NALCN: variants seen among roughly 807,000 people sequenced by gnomAD.
NALCN encodes sodium leak channel, non-selective.
In NALCN, 111 loss-of-function variants were observed where a neutral mutation model predicts 225.3. The observed-to-expected ratio is 0.49, with a 90% confidence interval of 0.42 to 0.58. The LOEUF (loss-of-function observed/expected upper bound fraction) is 0.58, where lower values mean the gene tolerates loss of function less well. Among genes scored for constraint, NALCN ranks in the 20% least tolerant of loss-of-function variants. NALCN has a pLI of 0.00. For missense variants in NALCN, 1,378 were observed against 2,202.4 expected (o/e 0.63, Z 7.49); for synonymous variants, 764 against 769.0 (o/e 0.99, Z 0.11).
intron 6 of NALCN, among the ~76,000 whole-genome samples, chr13:101,347,852 A>G (rs188594907): frequency 6.6e-6 from 1 of 152,340 alleles, no homozygotes; most frequent in African/African-American, 2.4e-5. Context: ...CAAGTACTGT[A>G]CTCAAATAAT....
At chr13:101,069,401 C>G (rs2032678220) in intron 37 of NALCN, among the ~76,000 whole-genome samples, 1 of 152,212 alleles carries the variant, frequency 6.6e-6, no homozygotes, top group South Asian at 2.1e-4. Context: ...AAGGTACAGA[C>G]CTTAATAAAA....
At chr13:101,321,814 T>C (rs2044755005) in intron 7 of NALCN, among the ~76,000 whole-genome samples, 1 of 152,106 alleles carries the variant, frequency 6.6e-6, no homozygotes, top group South Asian at 2.1e-4. Flanking sequence ...AAGTCAAAAA[T>C]GTCATACATT....
At chr13:101,155,878 TACA>T (rs1287758567) in intron 15 of NALCN, among the ~76,000 whole-genome samples, 1 of 152,226 alleles carries the variant, frequency 6.6e-6, no homozygotes, top group African/African-American at 2.4e-5. Context: ...CTGTGGCAAT[TACA>T]ACAATAGTTT....
chr13:101,287,814 G>T (rs1015146969), intron 9 of NALCN, among the ~76,000 whole-genome samples: 1 of 152,116 alleles, frequency 6.6e-6, no homozygotes, highest in African/African-American at 2.4e-5. Context: ...ATGCTTCTGG[G>T]ATTGTTCCAT....
At chr13:101,355,486 C>A (rs2046028927) in intron 6 of NALCN, among the ~76,000 whole-genome samples, 1 of 152,004 alleles carries the variant, frequency 6.6e-6, no homozygotes, top group African/African-American at 2.4e-5. Context: ...ATCAATTCAA[C>A]AAGAAGAGCT....
intron 9 of NALCN, among the ~76,000 whole-genome samples, chr13:101,284,605 G>A (rs747262516): frequency 6.6e-6 from 1 of 152,122 alleles, no homozygotes; most frequent in Non-Finnish European, 1.5e-5. Flanking sequence ...TTGCCACATT[G>A]CTTAATACAC....
chr13:101,306,700 G>T (rs193068656), intron 7 of NALCN, among the ~76,000 whole-genome samples: 4 of 152,286 alleles, frequency 2.6e-5, no homozygotes, highest in Non-Finnish European at 4.4e-5. Flanking sequence ...TGTGGGTCAG[G>T]CTTGGCTCAT....
At chr13:101,388,423 TAA>T (rs79595206) in intron 3 of NALCN, among the ~76,000 whole-genome samples, 1 of 143,712 alleles carries the variant, frequency 7.0e-6, no homozygotes, top group Non-Finnish European at 1.5e-5. Context: ...AGATTGAAAA[TAA>T]AAAAAAAAAT....
At chr13:101,361,633 T>C (rs2139366531) in intron 6 of NALCN, among the ~76,000 whole-genome samples, 1 of 152,304 alleles carries the variant, frequency 6.6e-6, no homozygotes, top group Non-Finnish European at 1.5e-5. Context: ...AGCCACTTTA[T>C]TTAACTTTAC....
intron 13 of NALCN, among the ~76,000 whole-genome samples, chr13:101,216,020 G>A (rs994149726): frequency 6.6e-6 from 1 of 152,096 alleles, no homozygotes; most frequent in African/African-American, 2.4e-5. Flanking sequence ...CGAAGGGTAG[G>A]GGATGATGCA....
chr13:101,264,218 G>T lies in NALCN; in HGVS notation c.1135-5644C>A, dbSNP rs188644575. 3.3e-3 allele frequency among the ~76,000 whole-genome samples: 495 copies of T among 152,130 alleles called. 3 individuals are homozygous for T. The highest frequency in any genetic ancestry group is 6.9e-3 in the Admixed American group (106 of 15,278). On this transcript the variant is annotated intron_variant, in intron 10 of 43. Transcript: ENST00000251127. ...TACATATGTGGATTCACATATGTGT[G>T]TGCATATTCTTTTTTATTTATATAT... is the stretch of plus-strand genomic sequence containing the variant.
intron 7 of NALCN, among the ~76,000 whole-genome samples, chr13:101,304,731 C>A (rs1785030843): frequency 6.6e-6 from 1 of 151,566 alleles, no homozygotes; most frequent in South Asian, 2.1e-4. Flanking sequence ...AGCCACCACA[C>A]CTGGCCTGGA....
At chr13:101,096,625 C>T (rs1001508673) in intron 27 of NALCN, among the ~76,000 whole-genome samples, 7 of 152,076 alleles carry the variant, frequency 4.6e-5, no homozygotes, top group South Asian at 2.1e-4. Context: ...CAAGGAGATA[C>T]AAATGTTCTA....
At chr13:101,125,735 A>G (rs79035018) in intron 17 of NALCN, among the ~76,000 whole-genome samples, 2,849 of 152,310 alleles carry the variant, frequency 0.019, 99 homozygotes, top group African/African-American at 0.066. Context: ...AAAGGCTTCA[A>G]TGAAAAAGTG....
chr13:101,204,099 A>C (rs990073760), intron 13 of NALCN, among the ~76,000 whole-genome samples: 1 of 152,232 alleles, frequency 6.6e-6, no homozygotes, highest in Non-Finnish European at 1.5e-5. Context: ...TGACTTTTAA[A>C]TGATAAAGAT....
At chr13:101,304,944 T>A (rs1268344665) in intron 7 of NALCN, among the ~76,000 whole-genome samples, 1 of 151,436 alleles carries the variant, frequency 6.6e-6, no homozygotes, top group African/African-American at 2.4e-5. Flanking sequence ...TTAGTAGAGA[T>A]GGGGGTTTCA....
intron 7 of NALCN, among the ~76,000 whole-genome samples, chr13:101,317,527 A>G (rs1456527209): frequency 6.6e-6 from 1 of 152,178 alleles, no homozygotes; most frequent in Non-Finnish European, 1.5e-5. Context: ...ATCCCTGATT[A>G]ATTTCCTATT....
chr13:101,413,764 T>C (rs2047853785), intron 1 of NALCN, among the ~76,000 whole-genome samples: 3 of 152,170 alleles, frequency 2.0e-5, no homozygotes, highest in South Asian at 2.1e-4. Flanking sequence ...TTAAAAAAAT[T>C]TAAGCATTTG....
intron 17 of NALCN, among the ~76,000 whole-genome samples, chr13:101,131,624 A>G (rs1448534782): frequency 1.3e-5 from 2 of 152,154 alleles, no homozygotes; most frequent in Non-Finnish European, 2.9e-5. Flanking sequence ...AGAATGGAGC[A>G]AAGAAGATGT....
Sources: allele counts gnomAD v4.1 joint callset (sites outside exome capture counted in the v4.1 genomes callset), GRCh38; gene constraint gnomAD v4.1.1; transcripts MANE v1.5; gene names NCBI Gene and HGNC (gene_info 2026-07-23, HGNC 2026-07-21).